TIPRL: variants seen among roughly 807,000 people sequenced by gnomAD.
TIPRL encodes TOR signaling pathway regulator, also known as TIP41-like protein.
In TIPRL, 10 loss-of-function variants were observed where a neutral mutation model predicts 32.3. The ratio of observed to expected loss-of-function variants is 0.31; its 90% CI spans 0.19 to 0.52. The LOEUF (loss-of-function observed/expected upper bound fraction) is 0.52. Ranked by LOEUF, TIPRL falls within the 20% of genes least tolerant of loss-of-function variation. The probability of loss-of-function intolerance (pLI) is 0.96; values close to 1 mark genes in which losing one functional copy is unlikely to be tolerated. For missense variants in TIPRL, 250 were observed against 328.1 expected (o/e 0.76, Z 1.84); for synonymous variants, 100 against 114.0 (o/e 0.88, Z 0.78).
In TIPRL at chr1:168,184,076, A is replaced by C. The variant is rs766811520; in HGVS notation, c.279A>C (p.Glu93Asp). ...LKVACAEEWQ[E>D]SRTEGEHSKE... ...TGGCCTGTGCTGAAGAGTGGCAAGA[A>C]AGCAGGTGAGAATCCGGTCAATTAG... The change falls in exon 2 of 7, where the codon GAA becomes GAC. Residue 93 changes from glutamate (E) to aspartate (D), a missense_variant. Glu to Asp is a conservative substitution (Grantham distance 45). Coordinates refer to ENST00000367833, the MANE Select transcript of TIPRL (RefSeq NM_152902.5). The C allele has an allele frequency of 3.7e-6, 6 of 1,605,840 alleles. No individual in the cohort carries two copies. The highest frequency in any genetic ancestry group is 4.3e-6 in the Non-Finnish European group (5 of 1,173,580).
At chr1:168,186,256 G>A (rs976269266) in intron 3 of TIPRL, among the ~76,000 whole-genome samples, 3 of 152,084 alleles carry the variant, frequency 2.0e-5, no homozygotes, top group East Asian at 1.9e-4. Flanking sequence ...AGCACTTTGC[G>A]AGGCCAAGGA....
intron 1 of TIPRL, among the ~76,000 whole-genome samples, chr1:168,182,978 A>G (rs535466952): frequency 2.0e-5 from 3 of 152,112 alleles, no homozygotes; most frequent in Non-Finnish European, 4.4e-5. Context: ...CCTGAAGACC[A>G]TTGTTAACAT....
intron 5 of TIPRL, among the ~76,000 whole-genome samples, chr1:168,198,698 C>A (rs1471548283): frequency 2.0e-5 from 3 of 152,030 alleles, no homozygotes; most frequent in Admixed American, 6.6e-5. Context: ...ATTATAAAAT[C>A]TGTTTACATA....
At chr1:168,190,934 G>A (rs1413653838) in intron 3 of TIPRL, among the ~76,000 whole-genome samples, 1 of 152,156 alleles carries the variant, frequency 6.6e-6, no homozygotes, top group Non-Finnish European at 1.5e-5. Context: ...GTTAGGTTGA[G>A]CAAATATCTA....
intron 1 of TIPRL, among the ~76,000 whole-genome samples, chr1:168,182,419 A>G (rs979485357): frequency 6.6e-6 from 1 of 152,188 alleles, no homozygotes; most frequent in Admixed American, 6.5e-5. Flanking sequence ...TGAGGTCAGG[A>G]GTTCGAGACC....
chr1:168,199,778 G>A, intron 6 of TIPRL, 125 bp from the exon 7 acceptor site: 1 of 809,428 alleles, frequency 1.2e-6, no homozygotes, highest in East Asian at 2.7e-5. Context: ...ATTTTTAGGA[G>A]CACATATGCA....
At chr1:168,195,248 A>G (rs1472340386) in intron 4 of TIPRL, among the ~76,000 whole-genome samples, 2 of 152,100 alleles carry the variant, frequency 1.3e-5, no homozygotes, top group Non-Finnish European at 2.9e-5. Flanking sequence ...TTATTATTTC[A>G]TGTCTCAGTA....
chr1:168,198,821 A>C (rs1431806881), intron 5 of TIPRL, 98 bp from the exon 6 acceptor site: 2 of 1,043,302 alleles, frequency 1.9e-6, no homozygotes, highest in Non-Finnish European at 2.9e-6. Context: ...TGCTGTTTTG[A>C]CAACCTATCC....
At chr1:168,183,095 T>C (rs1241224086) in intron 1 of TIPRL, among the ~76,000 whole-genome samples, 1 of 152,168 alleles carries the variant, frequency 6.6e-6, no homozygotes, top group Non-Finnish European at 1.5e-5. Flanking sequence ...GTTTTTTTCT[T>C]ACTATTTTAT....
At chr1:168,189,763 T>G (rs1434191368) in intron 3 of TIPRL, among the ~76,000 whole-genome samples, 2 of 152,226 alleles carry the variant, frequency 1.3e-5, no homozygotes, top group Non-Finnish European at 2.9e-5. Flanking sequence ...TTTAGACATA[T>G]TTAGCCTTGC....
At chr1:168,190,977 A>T (rs59682399) in intron 3 of TIPRL, among the ~76,000 whole-genome samples, 74 of 152,316 alleles carry the variant, frequency 4.9e-4, no homozygotes, top group African/African-American at 1.7e-3. Flanking sequence ...TTTAAGTTCC[A>T]TATGAATGTC....
At chr1:168,195,656 C>T (rs769970148) in intron 4 of TIPRL, among the ~76,000 whole-genome samples, 1 of 152,006 alleles carries the variant, frequency 6.6e-6, no homozygotes, top group Non-Finnish European at 1.5e-5. Context: ...CTCACTGCAG[C>T]CTATCTCCCA....
chr1:168,179,504 G>C (rs955194480), intron 1 of TIPRL, among the ~76,000 whole-genome samples: 14 of 152,104 alleles, frequency 9.2e-5, no homozygotes, highest in Non-Finnish European at 5.9e-5. Flanking sequence ...GCTGTTGCCT[G>C]TTTTCTTAGG....
intron 4 of TIPRL, among the ~76,000 whole-genome samples, chr1:168,196,135 G>T (rs1356502777): frequency 6.6e-6 from 1 of 152,188 alleles, no homozygotes; most frequent in Non-Finnish European, 1.5e-5. Flanking sequence ...AAGGTCTGTT[G>T]CTTTGTTTTA....
intron 3 of TIPRL, among the ~76,000 whole-genome samples, chr1:168,188,817 A>G (rs1700059022): frequency 6.6e-6 from 1 of 152,094 alleles, no homozygotes; most frequent in African/African-American, 2.4e-5. Context: ...TGTATCTACT[A>G]AAAACACAAA....
chr1:168,193,200 A>T (rs1700118931), intron 4 of TIPRL, among the ~76,000 whole-genome samples: 1 of 152,136 alleles, frequency 6.6e-6, no homozygotes, highest in Admixed American at 6.5e-5. Context: ...TAAATAAAAA[A>T]TTTTATTTTT....
chr1:168,189,437 G>A lies in TIPRL; in HGVS notation c.385-1932G>A, dbSNP rs188594309. Among the ~76,000 whole-genome samples the A allele has an allele frequency of 6.8e-3, 1,040 of 152,062 alleles. 10 individuals are homozygous for A. The highest frequency in any genetic ancestry group is 0.024 in the African/African-American group (996 of 41,466). On this transcript the variant is annotated intron_variant, in intron 3 of 6. Coordinates refer to ENST00000367833, the MANE Select transcript of TIPRL (RefSeq NM_152902.5). ...CTCAGCTCACTGCAACCTCTGCCCCGCGGGTTCAAGCGATTCTCCTGCCTC... is the reference window on the plus strand; with the variant it reads ...CTCAGCTCACTGCAACCTCTGCCCCACGGGTTCAAGCGATTCTCCTGCCTC...
chr1:168,192,043 ATTTG>A (rs943055866), intron 4 of TIPRL, among the ~76,000 whole-genome samples: 2 of 152,118 alleles, frequency 1.3e-5, no homozygotes, highest in East Asian at 1.9e-4. Context: ...CTTGTAGTTT[ATTTG>A]TTTATTATTT....
rs1334696760 is a variant in TIPRL at position 168,201,037 on chromosome 1, T to G, written c.*991T>G. The G allele has an allele frequency of 6.6e-6, 1 of 152,110 alleles. No homozygotes were observed. Among genetic ancestry groups the G allele is most frequent in the African/African-American group, 2.4e-5 (1 of 41,436 alleles). The allele number at this position is 152,110 out of a possible 1,614,324, so 9.4% of individuals were successfully genotyped here. Reference sequence around the variant, plus strand: ...TAACATTACAGGGGATGAAGTAAAATGTAATTAATTAGCACAAGACTTAGG... The same window carrying G: ...TAACATTACAGGGGATGAAGTAAAAGGTAATTAATTAGCACAAGACTTAGG... On this transcript the variant is annotated 3_prime_UTR_variant, in exon 7 of 7. Coordinates refer to ENST00000367833, the MANE Select transcript of TIPRL (RefSeq NM_152902.5).
Sources: gnomAD v4.1 joint callset for allele counts (sites outside exome capture counted in the v4.1 genomes callset) on GRCh38, gnomAD v4.1.1 for gene constraint, MANE v1.5 for transcripts, NCBI Gene and HGNC (gene_info 2026-07-23, HGNC 2026-07-21) for gene names.